DPP10: variants seen among roughly 807,000 people sequenced by gnomAD.
DPP10 encodes inactive dipeptidyl peptidase 10.
A neutral mutation model predicts 120.9 loss-of-function variants in DPP10; 33 were observed. That is an observed-to-expected ratio of 0.27 (90% confidence interval 0.21 to 0.37). DPP10 has a LOEUF of 0.37. DPP10 is among the 10% of genes least tolerant of loss of function. DPP10 has a pLI of 1.00. For synonymous variants in DPP10, 337 were observed against 326.1 expected (o/e 1.03, Z -0.36); for missense variants, 816 against 942.8 (o/e 0.87, Z 1.76).
chr2:115,582,395 G>T (rs561601657), intron 5 of DPP10, among the ~76,000 whole-genome samples: 15 of 152,210 alleles, frequency 9.9e-5, no homozygotes, highest in Non-Finnish European at 1.9e-4. Context: ...CAGCTCCTGC[G>T]ATCTCATCAG....
chr2:115,213,947 A>G (rs1381224918), intron 1 of DPP10, among the ~76,000 whole-genome samples: 1 of 151,348 alleles, frequency 6.6e-6, no homozygotes. Flanking sequence ...GGCAGGATTT[A>G]TGGATAGAAA....
intron 1 of DPP10, among the ~76,000 whole-genome samples, chr2:114,906,973 G>A (rs1694017577): frequency 6.6e-6 from 1 of 151,946 alleles, no homozygotes; most frequent in Non-Finnish European, 1.5e-5. Flanking sequence ...TTTATTTGTG[G>A]GAAGTTTTAA....
At chr2:115,822,974 G>A (rs954082120) in intron 21 of DPP10, among the ~76,000 whole-genome samples, 6 of 151,880 alleles carry the variant, frequency 4.0e-5, no homozygotes, top group Non-Finnish European at 7.4e-5. Context: ...CTATAAAAAT[G>A]TTTAGCTATA....
At chr2:115,626,548 G>A (rs2085375559) in intron 5 of DPP10, among the ~76,000 whole-genome samples, 1 of 151,700 alleles carries the variant, frequency 6.6e-6, no homozygotes, top group Non-Finnish European at 1.5e-5. Flanking sequence ...ATTAGCTCTT[G>A]TTTTTTATTA....
chr2:115,715,386 C>A (rs1359025707), intron 7 of DPP10, among the ~76,000 whole-genome samples: 1 of 144,130 alleles, frequency 6.9e-6, no homozygotes, highest in Non-Finnish European at 1.5e-5. Context: ...AAAGAAAAAT[C>A]TACTGGAACT....
chr2:115,538,827 G>A (rs922709187), intron 5 of DPP10, among the ~76,000 whole-genome samples: 1 of 151,962 alleles, frequency 6.6e-6, no homozygotes, highest in Non-Finnish European at 1.5e-5. Context: ...TGAAATGTGA[G>A]TAGTCCAAAT....
chr2:115,672,935 G>A (rs2090018491), intron 5 of DPP10, among the ~76,000 whole-genome samples: 1 of 151,790 alleles, frequency 6.6e-6, no homozygotes, highest in Non-Finnish European at 1.5e-5. Flanking sequence ...TTTTAGTAGA[G>A]ACTGGGTTGC....
At chr2:115,715,123 T>G (rs2092448554) in intron 7 of DPP10, among the ~76,000 whole-genome samples, 1 of 150,662 alleles carries the variant, frequency 6.6e-6, no homozygotes, top group Admixed American at 6.6e-5. Flanking sequence ...GCGGATCACC[T>G]GAGGTCAGGA....
intron 5 of DPP10, among the ~76,000 whole-genome samples, chr2:115,652,091 TA>T (rs1292044842): frequency 3.9e-5 from 6 of 152,060 alleles, no homozygotes; most frequent in African/African-American, 1.4e-4. Flanking sequence ...TTCTCAGATA[TA>T]ATATAGAGGT....
intron 1 of DPP10, among the ~76,000 whole-genome samples, chr2:114,500,862 C>G (rs954369893): frequency 6.6e-6 from 1 of 152,116 alleles, no homozygotes; most frequent in Non-Finnish European, 1.5e-5. Flanking sequence ...CCGTCTGGTG[C>G]GTGGGGTTCT....
At chr2:115,791,383 A>G (rs775959386) in intron 19 of DPP10, 27 bp downstream of exon 19, 6 of 1,542,236 alleles carry the variant, frequency 3.9e-6, no homozygotes, top group South Asian at 1.2e-5. Context: ...TTTTTAAAAT[A>G]AAGGAATCTA....
At chr2:115,694,697 T>C (rs1383168479) in intron 7 of DPP10, among the ~76,000 whole-genome samples, 3 of 152,192 alleles carry the variant, frequency 2.0e-5, no homozygotes, top group African/African-American at 7.2e-5. Context: ...ACAGTAGACA[T>C]GTAACTATTG....
intron 1 of DPP10, among the ~76,000 whole-genome samples, chr2:115,156,826 A>G (rs928364827): frequency 6.6e-6 from 1 of 152,234 alleles, no homozygotes; most frequent in Non-Finnish European, 1.5e-5. Context: ...TCCTCCATAC[A>G]TAGCAACCTC....
At position 114,687,781 on chromosome 2, in the gene DPP10, G is replaced by A. The variant is rs115405280; in HGVS notation, c.60+244943G>A. Among the ~76,000 whole-genome samples the A allele has an allele frequency of 8.9e-3, 1,346 of 152,046 alleles. 15 individuals are homozygous for A. Among genetic ancestry groups the A allele is most frequent in the African/African-American group, 0.031 (1,283 of 41,512 alleles). On this transcript the variant is annotated intron_variant, in intron 1 of 25. Coordinates refer to ENST00000410059, the MANE Select transcript of DPP10 (RefSeq NM_020868.6). ...ACCATTTCTGTGGCTGCTGTCATGT[G>A]CTAGACTCTGGTCGTTTTCACGGCA...
At chr2:115,736,198 T>C (rs531563776) in intron 8 of DPP10, among the ~76,000 whole-genome samples, 1 of 152,274 alleles carries the variant, frequency 6.6e-6, no homozygotes, top group Non-Finnish European at 1.5e-5. Context: ...TTGTGTTCTG[T>C]GGGTTATTGC....
At chr2:115,612,554 A>G (rs1365664152) in intron 5 of DPP10, among the ~76,000 whole-genome samples, 1 of 152,166 alleles carries the variant, frequency 6.6e-6, no homozygotes, top group Non-Finnish European at 1.5e-5. Flanking sequence ...GTTCTTACCA[A>G]AAACCTCTAA....
At chr2:114,714,754 C>G (rs1241360396) in intron 1 of DPP10, among the ~76,000 whole-genome samples, 2 of 151,900 alleles carry the variant, frequency 1.3e-5, no homozygotes, top group African/African-American at 4.8e-5. Flanking sequence ...CCGAGTAAGT[C>G]TATGATTGTT....
At chr2:115,334,874 A>C (rs535602089) in intron 2 of DPP10, among the ~76,000 whole-genome samples, 4 of 152,022 alleles carry the variant, frequency 2.6e-5, no homozygotes, top group African/African-American at 7.2e-5. Flanking sequence ...ACAAAACAAA[A>C]CATAACCCAA....
intron 1 of DPP10, among the ~76,000 whole-genome samples, chr2:114,652,896 G>A (rs972922814): frequency 2.0e-5 from 3 of 151,714 alleles, no homozygotes; most frequent in Admixed American, 6.6e-5. Context: ...AAAGGAACAG[G>A]AAAGTGCAGT....
Sources: gnomAD v4.1 joint callset for allele counts (sites outside exome capture counted in the v4.1 genomes callset) on GRCh38, gnomAD v4.1.1 for gene constraint, MANE v1.5 for transcripts, NCBI Gene and HGNC (gene_info 2026-07-23, HGNC 2026-07-21) for gene names.